Variants in HEG1 observed in about 807,000 individuals in gnomAD.
The protein encoded by HEG1 is heart development protein with EGF like domains 1, also known as protein HEG homolog 1.
A neutral mutation model predicts 125.6 loss-of-function variants in HEG1; 56 were observed. The ratio of observed to expected loss-of-function variants is 0.45; its 90% CI spans 0.36 to 0.56. HEG1 has a LOEUF of 0.56. Ranked by LOEUF, HEG1 falls within the 20% of genes least tolerant of loss-of-function variation. The pLI is 0.00. For synonymous variants in HEG1, 644 were observed against 668.5 expected, an observed-to-expected ratio of 0.96 and a Z score of 0.57; for missense variants, 1,523 against 1,670.0, an observed-to-expected ratio of 0.91 and a Z score of 1.53.
chr3:124,993,217 C>T (rs1936861004), intron 12 of HEG1, among the ~76,000 whole-genome samples: 1 of 152,190 alleles, frequency 6.6e-6, no homozygotes, highest in African/African-American at 2.4e-5. Flanking sequence ...TCTCATTCTG[C>T]ATATTCACTT....
rs141599840 is a variant in HEG1, at chr3:124,975,998, G to A, written c.3821+1861C>T. 2.0e-5 allele frequency among the ~76,000 whole-genome samples: 3 copies of A among 152,250 alleles called. No individual in the cohort carries two copies. The East Asian group carries it at 5.8e-4, about 29-fold the overall frequency. The stretch of plus-strand genomic sequence containing the variant: ...GTGAACATTGACGTGAAGTTTTTGT[G>A]TGAGTATACCTTTTCACTTCTCTTG... On this transcript the variant is annotated intron_variant, in intron 15 of 16. Coordinates refer to ENST00000311127, the MANE Select transcript of HEG1 (RefSeq NM_020733.2).
chr3:124,974,473 C>T (rs1579392674), intron 15 of HEG1, among the ~76,000 whole-genome samples: 2 of 152,122 alleles, frequency 1.3e-5, no homozygotes, highest in African/African-American at 4.8e-5. Flanking sequence ...AGAATTCAGG[C>T]CTCCAACTCT....
chr3:125,013,926 G>T lies in HEG1; in HGVS notation c.1653C>A (p.His551Gln). 1 of 1,613,748 alleles carries T rather than the reference G, an allele frequency of 6.2e-7. No homozygotes were observed. Among genetic ancestry groups the T allele is most frequent in the Non-Finnish European group, 8.5e-7 (1 of 1,179,804 alleles). The change falls in exon 6 of 17, where the codon CAC (histidine) becomes CAA (glutamine). Residue 551 changes from histidine to glutamine, a missense_variant. His to Gln is a conservative substitution (Grantham distance 24, BLOSUM62 0). Transcript: ENST00000311127. Reference protein sequence around the residue: ...TAIEQRTSSDHTDHTYLSSTF... With the variant: ...TAIEQRTSSDQTDHTYLSSTF... Reference sequence around the variant, plus strand: ...TAGATGACAGGTAGGTGTGGTCTGTGTGGTCGCTGGAAGTCCTTTGTTCAA... The same window carrying T: ...TAGATGACAGGTAGGTGTGGTCTGTTTGGTCGCTGGAAGTCCTTTGTTCAA...
At chr3:125,001,039 T>A (rs1177058787) in intron 11 of HEG1, among the ~76,000 whole-genome samples, 3 of 152,210 alleles carry the variant, frequency 2.0e-5, no homozygotes, top group Non-Finnish European at 4.4e-5. Flanking sequence ...TTGTCTCCAA[T>A]CCCTTTCTTC....
chr3:124,987,071 A>T (rs994812507), intron 14 of HEG1, among the ~76,000 whole-genome samples: 1 of 152,154 alleles, frequency 6.6e-6, no homozygotes, highest in Non-Finnish European at 1.5e-5. Flanking sequence ...CAGGTGTGGT[A>T]GCTCATGCCT....
rs780166833 is a variant in HEG1 at position 125,019,600 on chromosome 3, G to A, written c.1253-3C>T. On this transcript the variant is annotated splice_polypyrimidine_tract_variant and splice_region_variant and intron_variant, in intron 4 of 16. Transcript: ENST00000311127. ...GGCAAGCTGATGTTCTCCAAAGGCT[G>A]TAAGGTAATATAGGAAAAAAAGGCC... 5.6e-6 allele frequency: 9 copies of A among 1,599,316 alleles called. No individual in the cohort carries two copies. The African/African-American group carries it at 9.4e-5, about 17-fold the overall frequency.
At chr3:125,043,135 A>C (rs1300455236) in intron 1 of HEG1, among the ~76,000 whole-genome samples, 6 of 152,234 alleles carry the variant, frequency 3.9e-5, no homozygotes, top group Admixed American at 3.9e-4. Flanking sequence ...TTCCCCTGCA[A>C]GCGCTCTAGC....
At chr3:125,050,639 T>C (rs1937784274) in intron 1 of HEG1, among the ~76,000 whole-genome samples, 1 of 152,230 alleles carries the variant, frequency 6.6e-6, no homozygotes. Context: ...TGTGAATCAC[T>C]CATGCATCGT....
intron 1 of HEG1, among the ~76,000 whole-genome samples, chr3:125,041,254 C>T (rs941385088): frequency 2.0e-5 from 3 of 152,146 alleles, no homozygotes; most frequent in African/African-American, 7.2e-5. Flanking sequence ...CTCTGGTGCC[C>T]CCATCCCTCT....
chr3:125,017,727 T>C (rs1390517683), intron 5 of HEG1, among the ~76,000 whole-genome samples: 1 of 151,950 alleles, frequency 6.6e-6, no homozygotes, highest in Non-Finnish European at 1.5e-5. Context: ...TCCTAAATAA[T>C]TGAAAATTTA....
At chr3:125,017,954 G>A (rs186816051) in intron 5 of HEG1, among the ~76,000 whole-genome samples, 2 of 152,086 alleles carry the variant, frequency 1.3e-5, no homozygotes, top group African/African-American at 2.4e-5. Flanking sequence ...GCGTGAACCC[G>A]GAAGTCGGAG....
At chr3:125,031,293 C>A (rs1937494262) in intron 1 of HEG1, among the ~76,000 whole-genome samples, 1 of 152,094 alleles carries the variant, frequency 6.6e-6, no homozygotes, top group South Asian at 2.1e-4. Flanking sequence ...GGGTGCCAGG[C>A]CCCTAAAAAA....
rs1251334118 is a variant in HEG1, at chr3:125,013,903, G to A, written c.1676C>T (p.Ser559Phe). The A allele has an allele frequency of 1.4e-5, 22 of 1,613,752 alleles. No homozygotes were observed. The highest frequency in any genetic ancestry group is 1.6e-5 in the Non-Finnish European group (19 of 1,179,866). The change falls in exon 6 of 17, where the codon TCT becomes TTT. Residue 559 changes from serine to phenylalanine, a missense_variant. Transcript: ENST00000311127. Reference protein sequence around the residue: ...SDHTDHTYLSSTFTKGERALL... With the variant: ...SDHTDHTYLSFTFTKGERALL... ...CGCCCGTTCTCCTTTGGTGAAAGTA[G>A]ATGACAGGTAGGTGTGGTCTGTGTG...
intron 1 of HEG1, among the ~76,000 whole-genome samples, chr3:125,043,139 C>T (rs535016299): frequency 6.6e-6 from 1 of 152,368 alleles, no homozygotes; most frequent in South Asian, 2.1e-4. Context: ...CCTGCAAGCG[C>T]TCTAGCGATG....
chr3:125,031,470 A>G (rs1167890673), intron 1 of HEG1, among the ~76,000 whole-genome samples: 1 of 152,130 alleles, frequency 6.6e-6, no homozygotes, highest in African/African-American at 2.4e-5. Flanking sequence ...TGATAAAACC[A>G]TTTAATTTTC....
At chr3:125,009,282 A>C (rs1937115857) in intron 8 of HEG1, among the ~76,000 whole-genome samples, 1 of 151,038 alleles carries the variant, frequency 6.6e-6, no homozygotes, top group South Asian at 2.1e-4. Flanking sequence ...TCTCCATCTA[A>C]ATTGTTTTTT....
chr3:125,020,717 C>G (rs1937322923), intron 4 of HEG1, 75 bp downstream of exon 4: 1 of 1,252,984 alleles, frequency 8.0e-7, no homozygotes, highest in South Asian at 1.4e-5. Flanking sequence ...TACAAATGGT[C>G]TTGAAGAGGT....
At chr3:125,014,366 T>C (rs1374988863) in intron 5 of HEG1, among the ~76,000 whole-genome samples, 1 of 152,202 alleles carries the variant, frequency 6.6e-6, no homozygotes, top group Non-Finnish European at 1.5e-5. Context: ...AGAATAACTG[T>C]TATGCCTAAA....
intron 9 of HEG1, among the ~76,000 whole-genome samples, chr3:125,003,323 A>G (rs1187552368): frequency 6.6e-6 from 1 of 152,230 alleles, no homozygotes; most frequent in African/African-American, 2.4e-5. Flanking sequence ...AGCGCCACGT[A>G]ATGCAAAGGA....
Sources: gnomAD v4.1 joint callset for allele counts (sites outside exome capture counted in the v4.1 genomes callset) on GRCh38, gnomAD v4.1.1 for gene constraint, MANE v1.5 for transcripts, NCBI Gene and HGNC (gene_info 2026-07-23, HGNC 2026-07-21) for gene names.